PRKN: variants seen among roughly 807,000 people sequenced by gnomAD.
The protein encoded by PRKN is parkin RBR E3 ubiquitin protein ligase.
A neutral mutation model predicts 59.5 loss-of-function variants in PRKN; 56 were observed. The ratio of observed to expected loss-of-function variants is 0.94; its 90% CI spans 0.76 to 1.18. The LOEUF is 1.18. Among genes scored for constraint, PRKN ranks in the 50% most tolerant of loss-of-function variants. The pLI is 0.00. For missense variants in PRKN, 657 were observed against 596.4 expected, an observed-to-expected ratio of 1.10 and a Z score of -1.06; for synonymous variants, 250 against 222.1, an observed-to-expected ratio of 1.13 and a Z score of -1.12.
intron 9 of PRKN, among the ~76,000 whole-genome samples, chr6:161,421,234 G>A (rs1788092429): frequency 6.6e-6 from 1 of 152,038 alleles, no homozygotes; most frequent in African/African-American, 2.4e-5. Flanking sequence ...CTTGAGTGGG[G>A]GTACTTAAGT....
chr6:162,528,712 G>A (rs879526608), intron 1 of PRKN, among the ~76,000 whole-genome samples: 3 of 86,470 alleles, frequency 3.5e-5, no homozygotes, highest in African/African-American at 6.0e-5. Context: ...TTGATTCTAC[G>A]AGTCCTGAAG....
intron 2 of PRKN, among the ~76,000 whole-genome samples, chr6:162,422,392 C>T (rs773008418): frequency 4.1e-4 from 62 of 152,110 alleles, no homozygotes; most frequent in South Asian, 4.2e-4. Context: ...AATGCATTGG[C>T]CACAGCATGA....
intron 5 of PRKN, among the ~76,000 whole-genome samples, chr6:162,019,235 T>G (rs1783041732): frequency 6.6e-6 from 1 of 152,206 alleles, no homozygotes; most frequent in African/African-American, 2.4e-5. Flanking sequence ...AGTCTCTCCC[T>G]AAATATCTTC....
chr6:162,213,772 A>T (rs1275803888), intron 3 of PRKN, among the ~76,000 whole-genome samples: 1 of 149,194 alleles, frequency 6.7e-6, no homozygotes, highest in Non-Finnish European at 1.5e-5. Context: ...TAGAATTATT[A>T]CTATAGTAAA....
chr6:162,643,074 A>T (rs73597942), intron 1 of PRKN, among the ~76,000 whole-genome samples: 1,962 of 152,234 alleles, frequency 0.013, 44 homozygotes, highest in African/African-American at 0.044. Context: ...ATAAAAGTTG[A>T]CATAGACATA....
intron 3 of PRKN, among the ~76,000 whole-genome samples, chr6:162,202,996 G>C (rs1337387242): frequency 6.6e-6 from 1 of 152,130 alleles, no homozygotes; most frequent in African/African-American, 2.4e-5. Flanking sequence ...GGAAGAAAAG[G>C]AACAGGAAAA....
intron 1 of PRKN, among the ~76,000 whole-genome samples, chr6:162,542,127 AAAG>A (rs1397380848): frequency 6.6e-6 from 1 of 152,148 alleles, no homozygotes; most frequent in East Asian, 1.9e-4. Flanking sequence ...TTACAGGTGC[AAAG>A]AAGTAGTCCA....
intron 2 of PRKN, among the ~76,000 whole-genome samples, chr6:162,373,505 T>G (rs1785882069): frequency 6.6e-6 from 1 of 152,182 alleles, no homozygotes; most frequent in Non-Finnish European, 1.5e-5. Flanking sequence ...TGATTTTTTT[T>G]CTTAATTTCA....
intron 1 of PRKN, among the ~76,000 whole-genome samples, chr6:162,607,403 GA>G (rs1377299274): frequency 2.0e-5 from 3 of 152,152 alleles, no homozygotes; most frequent in Non-Finnish European, 4.4e-5. Flanking sequence ...GTGGAGATAA[GA>G]GGTTAGACAA....
intron 6 of PRKN, among the ~76,000 whole-genome samples, chr6:161,953,337 C>T (rs570959978): frequency 6.6e-6 from 1 of 152,262 alleles, no homozygotes; most frequent in South Asian, 2.1e-4. Flanking sequence ...TTTTGAACTC[C>T]TGACCTGGGT....
chr6:162,145,478 T>C (rs79054346), intron 4 of PRKN, among the ~76,000 whole-genome samples: 2,266 of 152,306 alleles, frequency 0.015, 53 homozygotes, highest in African/African-American at 0.052. Flanking sequence ...TTATTGTTGC[T>C]AGTGGAGAGT....
At chr6:161,435,407 C>T (rs1030675215) in intron 9 of PRKN, among the ~76,000 whole-genome samples, 9 of 151,974 alleles carry the variant, frequency 5.9e-5, no homozygotes, top group Non-Finnish European at 8.8e-5. Flanking sequence ...TAAGTGAAGT[C>T]GTTTTGTTAA....
intron 6 of PRKN, among the ~76,000 whole-genome samples, chr6:161,911,024 T>C (rs1241992686): frequency 1.3e-5 from 2 of 152,256 alleles, no homozygotes; most frequent in Non-Finnish European, 2.9e-5. Context: ...CTTGCTTTAC[T>C]GTGATGTTTG....
chr6:161,350,293 C>G, intron 11 of PRKN, 82 bp from the exon 12 acceptor site: 3 of 859,846 alleles, frequency 3.5e-6, no homozygotes, highest in Non-Finnish European at 5.8e-6. Context: ...GCACGCTAGC[C>G]TAGACATCAC....
rs776190303 is a variant in PRKN at position 161,575,097 on chromosome 6, CTG to C, written c.872-5683_872-5682del. On this transcript the variant is annotated intron_variant, in intron 7 of 11. Coordinates refer to ENST00000366898, the MANE Select transcript of PRKN (RefSeq NM_004562.3). This position sits in a 1 kb window ranked among gnomAD's most constrained non-coding sequence, Gnocchi z 4.6. ...ATTAAACCCATCACTCAACTGTTGC[CTG>C]TGTTTTCTAAAAATCTGAGCTCATT... Among the ~76,000 whole-genome samples the C allele has an allele frequency of 2.0e-5, 3 of 152,150 alleles. No homozygotes were observed. The highest frequency in any genetic ancestry group is 2.9e-5 in the Non-Finnish European group (2 of 68,030).
At chr6:161,797,590 G>A (rs1317997698) in intron 6 of PRKN, among the ~76,000 whole-genome samples, 1 of 152,122 alleles carries the variant, frequency 6.6e-6, no homozygotes, top group African/African-American at 2.4e-5. Flanking sequence ...TTTATTAGAG[G>A]AATATTTAAA....
chr6:162,675,148 G>A (rs1038230374), intron 1 of PRKN, among the ~76,000 whole-genome samples: 136 of 45,654 alleles, frequency 3.0e-3, no homozygotes, highest in Non-Finnish European at 3.4e-3. Context: ...CCAGGTTCAA[G>A]CGAATTCTCC....
At chr6:162,549,115 A>G (rs1779234417) in intron 1 of PRKN, among the ~76,000 whole-genome samples, 1 of 152,064 alleles carries the variant, frequency 6.6e-6, no homozygotes, top group Non-Finnish European at 1.5e-5. Flanking sequence ...TAGAACCCTC[A>G]TGAGTGGGAT....
At chr6:162,616,642 T>C (rs1335830385) in intron 1 of PRKN, among the ~76,000 whole-genome samples, 1 of 152,188 alleles carries the variant, frequency 6.6e-6, no homozygotes, top group African/African-American at 2.4e-5. Flanking sequence ...ATGGTATGGC[T>C]TTTTCTTGCT....
Sources: gnomAD v4.1 joint callset for allele counts (sites outside exome capture counted in the v4.1 genomes callset) on GRCh38, gnomAD v4.1.1 for gene constraint, Gnocchi (gnomAD v3.1) non-coding constraint, MANE v1.5 for transcripts, NCBI Gene and HGNC (gene_info 2026-07-23, HGNC 2026-07-21) for gene names.